The following SNX1 variants were observed in gnomAD, a reference collection of about 807,000 sequenced individuals.
SNX1 encodes sorting nexin-1.
A neutral mutation model predicts 71.8 loss-of-function variants in SNX1; 36 were observed. The observed-to-expected ratio is 0.50, with a 90% CI of 0.38 to 0.66. The LOEUF is 0.66. SNX1 is among the 30% of genes least tolerant of loss of function. SNX1 has a pLI of 0.00. For missense variants in SNX1, 612 were observed against 646.7 expected (o/e 0.95, Z 0.58); for synonymous variants, 254 against 240.7 (o/e 1.06, Z -0.51).
Position 64,142,485 on chromosome 15 carries a change from G to T in SNX1, c.*4867G>T. On this transcript the variant is annotated 3_prime_UTR_variant, in exon 15 of 15. Transcript: ENST00000559844. ...GAGAATGACTATCAGAGCCATGTTT[G>T]GAAGAAAATGGGGTCCAGAGCACAG... The T allele has an allele frequency of 2.9e-6, 1 of 342,332 alleles. No homozygotes were observed. 21.2% of individuals were successfully genotyped at this position (342,332 alleles called of 1,614,324 possible).
Position 64,138,812 on chromosome 15 carries a change from CT to C in SNX1, c.*1197del, listed in dbSNP as rs1334181774. ...CTGGTCAGAGTGGGCTTTGAAGCTCCTTTGTGAGCTCGAGCTGCTGACTGCC... is the reference window on the plus strand; with the variant it reads ...CTGGTCAGAGTGGGCTTTGAAGCTCCTTGTGAGCTCGAGCTGCTGACTGCC... On this transcript the variant is annotated 3_prime_UTR_variant, in exon 15 of 15. Coordinates refer to ENST00000559844, the MANE Select transcript of SNX1 (RefSeq NM_003099.5). 1.6e-4 allele frequency: 24 copies of C among 152,284 alleles called. No individual in the cohort carries two copies. The highest frequency in any genetic ancestry group is 9.2e-4 in the Admixed American group (14 of 15,284). The allele number at this position is 152,284 out of a possible 1,614,324, so 9.4% of individuals were successfully genotyped here. A position where few individuals can be genotyped will look rare whatever the true frequency, so the allele number is the denominator to read the frequency against.
chr15:64,127,170 C>T lies in SNX1; in HGVS notation c.653-4C>T. 6.2e-7 allele frequency: 1 copy of T among 1,605,534 alleles called. No individual in the cohort carries two copies. Among genetic ancestry groups the T allele is most frequent in the Admixed American group, 1.7e-5 (1 of 59,206 alleles). ...GTTATTTTGCTTTTTAAATTCCATT[C>T]TAGGGATGACAAAAGTGAAAGTTGG... is the stretch of plus-strand genomic sequence containing the variant. On this transcript the variant is annotated splice_polypyrimidine_tract_variant and splice_region_variant and intron_variant, in intron 6 of 14. Transcript: ENST00000559844.
At chr15:64,111,126 A>G (rs1315717864) in intron 1 of SNX1, among the ~76,000 whole-genome samples, 4 of 152,240 alleles carry the variant, frequency 2.6e-5, no homozygotes, top group Non-Finnish European at 4.4e-5. Context: ...CATGAGATCT[A>G]TGTACTGTAC....
At chr15:64,106,758 C>A (rs1378907987) in intron 1 of SNX1, among the ~76,000 whole-genome samples, 1 of 152,094 alleles carries the variant, frequency 6.6e-6, no homozygotes, top group East Asian at 1.9e-4. Flanking sequence ...AAGAAGTGGG[C>A]CGTGAGGCAA....
At chr15:64,107,369 C>T (rs1395265481) in intron 1 of SNX1, among the ~76,000 whole-genome samples, 1 of 152,182 alleles carries the variant, frequency 6.6e-6, no homozygotes, top group Non-Finnish European at 1.5e-5. Context: ...AGAATCACAA[C>T]TGGACAACCT....
chr15:64,096,445 G>C (rs1416965023), intron 1 of SNX1, among the ~76,000 whole-genome samples: 1 of 152,218 alleles, frequency 6.6e-6, no homozygotes, highest in Non-Finnish European at 1.5e-5. Context: ...TGACCCTGCA[G>C]TGTGGTGACA....
At position 64,096,526 on chromosome 15, in the gene SNX1, G is replaced by C. The variant is rs902809483; in HGVS notation, c.159+354G>C. On this transcript the variant is annotated intron_variant, in intron 1 of 14. Coordinates refer to ENST00000559844, the MANE Select transcript of SNX1 (RefSeq NM_003099.5). ...GCAGATTCAGTAGGACGGAATAAGC[G>C]AATGGGATGCAGACCTTTCCCCCGT... Among the ~76,000 whole-genome samples, 42 of 152,358 alleles carry C rather than the reference G, an allele frequency of 2.8e-4. 1 individual carries two copies. The highest frequency in any genetic ancestry group is 1.0e-3 in the African/African-American group (42 of 41,592).
intron 1 of SNX1, among the ~76,000 whole-genome samples, chr15:64,105,481 G>A (rs2081011201): frequency 6.6e-6 from 1 of 152,204 alleles, no homozygotes; most frequent in Non-Finnish European, 1.5e-5. Context: ...AGAGCAAGTA[G>A]CCGTAAGTAT....
intron 1 of SNX1, among the ~76,000 whole-genome samples, chr15:64,096,409 A>C (rs1476372246): frequency 1.3e-5 from 2 of 152,156 alleles, no homozygotes. Context: ...GCTCCCTAAC[A>C]GCCGAGAACC....
At chr15:64,102,791 CAG>C (rs1454506930) in intron 1 of SNX1, among the ~76,000 whole-genome samples, 4 of 94,678 alleles carry the variant, frequency 4.2e-5, no homozygotes, top group Non-Finnish European at 7.9e-5. Context: ...TTTTTTGACA[CAG>C]GGTCTTGCTC....
intron 2 of SNX1, among the ~76,000 whole-genome samples, chr15:64,117,187 C>T (rs531516535): frequency 2.0e-4 from 30 of 152,226 alleles, no homozygotes; most frequent in Middle Eastern, 3.4e-3. Context: ...CATTTTTTTC[C>T]TGTCAGTATG....
chr15:64,125,489 TG>T (rs1451238710), intron 5 of SNX1, among the ~76,000 whole-genome samples: 6 of 136,200 alleles, frequency 4.4e-5, no homozygotes, highest in Non-Finnish European at 9.2e-5. Context: ...AAAAAAGCAG[TG>T]AAGAATGAGC....
chr15:64,131,668 T>C lies in SNX1; in HGVS notation c.1016-19T>C, dbSNP rs370837959. On this transcript the variant is annotated intron_variant, in intron 10 of 14. Coordinates refer to ENST00000559844, the MANE Select transcript of SNX1 (RefSeq NM_003099.5). The stretch of plus-strand genomic sequence containing the variant: ...CTTGTGAGATCAGAGAGGCCTCTGC[T>C]GTCTTTTCCTCCTTCCAGAGCTAGC... 1.9e-6 allele frequency: 3 copies of C among 1,611,674 alleles called. No homozygotes were observed. The highest frequency in any genetic ancestry group is 2.5e-6 in the Non-Finnish European group (3 of 1,178,452).
intron 1 of SNX1, among the ~76,000 whole-genome samples, chr15:64,109,067 G>T (rs1270008622): frequency 6.6e-6 from 1 of 151,730 alleles, no homozygotes; most frequent in East Asian, 1.9e-4. Flanking sequence ...ACATACTTCT[G>T]TGTAAGAAAA....
In SNX1 at chr15:64,141,059, T is replaced by TTTGTTTC. The variant is rs1177331158; in HGVS notation, c.*3445_*3446insTTCTTGT. The stretch of plus-strand genomic sequence containing the variant: ...ATAGATAGATAGATAGATTGATTGA[T>TTTGTTTC]TTGTAGAAACAAGATAGGTTAGAGA... On this transcript the variant is annotated 3_prime_UTR_variant, in exon 15 of 15. Transcript: ENST00000559844. The surrounding 1 kb of genome is among the most constrained non-coding windows in gnomAD (Gnocchi z 5.1). 6.7e-6 allele frequency: 1 copy of TTTGTTTC among 148,670 alleles called. No homozygotes were observed. The highest frequency in any genetic ancestry group is 1.5e-5 in the Non-Finnish European group (1 of 66,684). 9.2% of individuals were successfully genotyped at this position (148,670 alleles called of 1,614,324 possible).
chr15:64,105,971 A>G lies in SNX1; in HGVS notation c.160-6602A>G, dbSNP rs1204330801. Among the ~76,000 whole-genome samples, 3 of 152,338 alleles carry G rather than the reference A, an allele frequency of 2.0e-5. No homozygotes were observed. The East Asian group carries it at 5.8e-4, about 29-fold the overall frequency. On this transcript the variant is annotated intron_variant, in intron 1 of 14. Coordinates refer to ENST00000559844, the MANE Select transcript of SNX1 (RefSeq NM_003099.5). ...CACATCCCCAGAATAATGTTTTTAA[A>G]TGTATGAAATAAAATACATTAAAAT...
intron 1 of SNX1, among the ~76,000 whole-genome samples, chr15:64,105,698 A>C (rs1194546030): frequency 6.6e-6 from 1 of 152,242 alleles, no homozygotes; most frequent in Non-Finnish European, 1.5e-5. Flanking sequence ...AGACCCAAAA[A>C]GTTTAGTTGG....
rs1413468717 is a variant in SNX1, at chr15:64,142,698, G to T, written c.*5080G>T. 2.2e-6 allele frequency: 1 copy of T among 455,880 alleles called. No homozygotes were observed. Among genetic ancestry groups the T allele is most frequent in the Non-Finnish European group, 4.4e-6 (1 of 226,794 alleles). 28.2% of individuals were successfully genotyped at this position (455,880 alleles called of 1,614,324 possible). A position where few individuals can be genotyped will look rare whatever the true frequency, so the allele number is the denominator to read the frequency against. ...AGGTATGGAACCTGCTTTCCCCTTG[G>T]CTAGTTCAGCGTTTGGGCTCCGGAG... is the stretch of plus-strand genomic sequence containing the variant. On this transcript the variant is annotated 3_prime_UTR_variant, in exon 15 of 15. Coordinates refer to ENST00000559844, the MANE Select transcript of SNX1 (RefSeq NM_003099.5).
rs1235240003 is a variant in SNX1 at position 64,141,077 on chromosome 15, G to T, written c.*3459G>T. On this transcript the variant is annotated 3_prime_UTR_variant, in exon 15 of 15. Transcript: ENST00000559844. The surrounding 1 kb of genome is among the most constrained non-coding windows in gnomAD (Gnocchi z 5.1). ...TGATTGATTTGTAGAAACAAGATAG[G>T]TTAGAGATACCTGACATAAATAGAT... 6.6e-6 allele frequency: 1 copy of T among 151,870 alleles called. No homozygotes were observed. The highest frequency in any genetic ancestry group is 1.5e-5 in the Non-Finnish European group (1 of 67,948). The allele number at this position is 151,870 out of a possible 1,614,324, so 9.4% of individuals were successfully genotyped here.
Sources: gnomAD v4.1 joint callset for allele counts (sites outside exome capture counted in the v4.1 genomes callset) on GRCh38, gnomAD v4.1.1 for gene constraint, Gnocchi (gnomAD v3.1) non-coding constraint, MANE v1.5 for transcripts, NCBI Gene and HGNC (gene_info 2026-07-23, HGNC 2026-07-21) for gene names.